BTBD9: variants seen among roughly 807,000 people sequenced by gnomAD.
BTBD9 encodes the protein BTB domain containing 9.
BTBD9 carries 49 observed loss-of-function variants against 64.3 expected under a neutral mutation model. The observed-to-expected ratio is 0.76, with a 90% CI of 0.61 to 0.97. The LOEUF (loss-of-function observed/expected upper bound fraction) is 0.97. Ranked by LOEUF, BTBD9 falls within the 50% of genes least tolerant of loss-of-function variation. The pLI, the probability that BTBD9 is intolerant of heterozygous loss-of-function variation, is 0.00. For synonymous variants in BTBD9, 260 were observed against 274.7 expected, an observed-to-expected ratio of 0.95 and a Z score of 0.53; for missense variants, 598 against 762.1, an observed-to-expected ratio of 0.78 and a Z score of 2.53.
intron 6 of BTBD9, among the ~76,000 whole-genome samples, chr6:38,455,598 T>C (rs1345305362): frequency 6.6e-6 from 1 of 152,262 alleles, no homozygotes; most frequent in African/African-American, 2.4e-5. Flanking sequence ...AAGCTGCAAA[T>C]TCCTTTTTAT....
intron 1 of BTBD9, among the ~76,000 whole-genome samples, chr6:38,605,647 T>C (rs115063222): frequency 0.023 from 3,428 of 152,258 alleles, 61 homozygotes; most frequent in Middle Eastern, 0.041. Flanking sequence ...ACCCCTTATC[T>C]ACACAACTTT....
At chr6:38,272,203 CA>C (rs752574769) in intron 8 of BTBD9, among the ~76,000 whole-genome samples, 129 of 151,728 alleles carry the variant, frequency 8.5e-4, no homozygotes, top group Non-Finnish European at 1.6e-3. Context: ...AACAATATGT[CA>C]AAAAAATAAA....
chr6:38,574,637 C>A (rs1562361503), intron 6 of BTBD9, among the ~76,000 whole-genome samples: 1 of 152,164 alleles, frequency 6.6e-6, no homozygotes, highest in Non-Finnish European at 1.5e-5. Context: ...GTGCTCTGTA[C>A]ATGTAAATGT....
At chr6:38,354,916 A>AG (rs1764658730) in intron 6 of BTBD9, among the ~76,000 whole-genome samples, 1 of 150,964 alleles carries the variant, frequency 6.6e-6, no homozygotes, top group African/African-American at 2.5e-5. Context: ...AGACAGAGAG[A>AG]AAGAGAGAGA....
chr6:38,490,822 C>CA (rs751605832), intron 6 of BTBD9, among the ~76,000 whole-genome samples: 1 of 152,130 alleles, frequency 6.6e-6, no homozygotes, highest in Non-Finnish European at 1.5e-5. Context: ...GAATTTATTT[C>CA]AAGTAAATCA....
intron 6 of BTBD9, among the ~76,000 whole-genome samples, chr6:38,468,994 C>G (rs1770517260): frequency 6.6e-6 from 1 of 151,962 alleles, no homozygotes; most frequent in East Asian, 1.9e-4. Flanking sequence ...TTTGAAAAAC[C>G]TATGAAAAGA....
At chr6:38,275,438 T>G (rs200730772) in intron 8 of BTBD9, among the ~76,000 whole-genome samples, 5,997 of 151,526 alleles carry the variant, frequency 0.04, 315 homozygotes, top group East Asian at 0.26. Flanking sequence ...ATAGGCATGG[T>G]CAAGGACTTC....
rs900772142 is a variant in BTBD9 at position 38,441,465 on chromosome 6, G to A, written c.1155-96372C>T. On this transcript the variant is annotated intron_variant, in intron 6 of 10. Transcript: ENST00000481247. ...GAGAGGGGGTCCCAGTCTGTCGTCC[G>A]GGCTGGACAACGCGAGCCAATCATG... 4.6e-5 allele frequency among the ~76,000 whole-genome samples: 7 copies of A among 152,034 alleles called. No homozygotes were observed. The East Asian group carries it at 5.8e-4, about 13-fold the overall frequency.
intron 9 of BTBD9, among the ~76,000 whole-genome samples, chr6:38,217,267 C>A (rs1386246199): frequency 7.0e-6 from 1 of 142,068 alleles, no homozygotes; most frequent in Non-Finnish European, 1.5e-5. Context: ...TGCAGTGAGC[C>A]GAGATAATGC....
At chr6:38,244,424 A>G (rs1764111613) in intron 9 of BTBD9, among the ~76,000 whole-genome samples, 1 of 151,968 alleles carries the variant, frequency 6.6e-6, no homozygotes, top group Non-Finnish European at 1.5e-5. Context: ...GGAGAGGTAC[A>G]TGTGATGCTC....
intron 9 of BTBD9, among the ~76,000 whole-genome samples, chr6:38,237,379 G>T (rs1763812641): frequency 6.6e-6 from 1 of 152,156 alleles, no homozygotes; most frequent in South Asian, 2.1e-4. Context: ...TAAATGTAAG[G>T]TCAGTTCAAA....
intron 6 of BTBD9, among the ~76,000 whole-genome samples, chr6:38,514,186 C>T (rs543440115): frequency 1.1e-4 from 17 of 152,178 alleles, no homozygotes; most frequent in Non-Finnish European, 2.5e-4. Flanking sequence ...GCTAAAGAAA[C>T]CATGGGGGTA....
intron 6 of BTBD9, among the ~76,000 whole-genome samples, chr6:38,469,308 T>C (rs1485550954): frequency 6.8e-6 from 1 of 146,500 alleles, no homozygotes; most frequent in African/African-American, 2.5e-5. Context: ...ACCCACTCTC[T>C]CTTTTTTTTT....
intron 6 of BTBD9, among the ~76,000 whole-genome samples, chr6:38,414,727 T>C (rs950142298): frequency 3.3e-5 from 5 of 152,180 alleles, no homozygotes; most frequent in African/African-American, 1.2e-4. Context: ...TCTTCCTTTT[T>C]TTCTTCCTGC....
At chr6:38,249,523 C>A (rs890088108) in intron 9 of BTBD9, among the ~76,000 whole-genome samples, 1 of 152,058 alleles carries the variant, frequency 6.6e-6, no homozygotes, top group Non-Finnish European at 1.5e-5. Flanking sequence ...GCCTCAGCCT[C>A]CCAAAGTGCT....
intron 4 of BTBD9, 152 bp downstream of exon 4, chr6:38,592,424 G>T (rs1196244093): frequency 3.7e-6 from 3 of 820,978 alleles, no homozygotes; most frequent in Non-Finnish European, 5.6e-6. Flanking sequence ...ACAGGAAAAT[G>T]AAAGGGAAAG....
chr6:38,321,264 A>G (rs186783097), intron 7 of BTBD9, among the ~76,000 whole-genome samples: 6 of 152,358 alleles, frequency 3.9e-5, no homozygotes, highest in Non-Finnish European at 8.8e-5. Context: ...ACACAGTGAC[A>G]TTGCCATGTG....
At chr6:38,191,530 C>T (rs1320939630) in intron 10 of BTBD9, among the ~76,000 whole-genome samples, 3 of 152,226 alleles carry the variant, frequency 2.0e-5, no homozygotes, top group African/African-American at 7.2e-5. Flanking sequence ...ACCCCACTGC[C>T]ACCGCCCTGC....
chr6:38,522,072 G>A (rs149715052), intron 6 of BTBD9, among the ~76,000 whole-genome samples: 5 of 152,200 alleles, frequency 3.3e-5, no homozygotes, highest in South Asian at 2.1e-4. Context: ...CCCACTGCCC[G>A]AGTGTGGGCC....
Sources: allele counts gnomAD v4.1 joint callset (sites outside exome capture counted in the v4.1 genomes callset), GRCh38; gene constraint gnomAD v4.1.1; transcripts MANE v1.5; gene names NCBI Gene and HGNC (gene_info 2026-07-23, HGNC 2026-07-21).